Variants in ZBTB5 observed in about 807,000 individuals in gnomAD.
The protein encoded by ZBTB5 is zinc finger and BTB domain containing 5, also known as zinc finger and BTB domain-containing protein 5.
In ZBTB5, 15 loss-of-function variants were observed where a neutral mutation model predicts 37.9. The observed-to-expected ratio is 0.40, with a 90% CI of 0.26 to 0.61. ZBTB5 has a LOEUF of 0.61. Among genes scored for constraint, ZBTB5 ranks in the 20% least tolerant of loss-of-function variants. ZBTB5 has a pLI of 0.47. For synonymous variants in ZBTB5, 315 were observed against 312.4 expected (o/e 1.01, Z -0.09); for missense variants, 708 against 856.8 (o/e 0.83, Z 2.17).
At chr9:37,443,655 G>A (rs1046258703) in intron 1 of ZBTB5, among the ~76,000 whole-genome samples, 13 of 152,242 alleles carry the variant, frequency 8.5e-5, no homozygotes, top group Non-Finnish European at 1.6e-4. Context: ...ACACCAGGAT[G>A]TGGTGGCGCA....
At chr9:37,451,775 A>C (rs1472548479) in intron 1 of ZBTB5, among the ~76,000 whole-genome samples, 1 of 152,068 alleles carries the variant, frequency 6.6e-6, no homozygotes, top group Non-Finnish European at 1.5e-5. Flanking sequence ...AGGAGTGCTG[A>C]TTGGTTGGCT....
At position 37,441,235 on chromosome 9, in the gene ZBTB5, C is replaced by G. The variant is rs1373458240; in HGVS notation, c.1317G>C (p.Arg439Ser). 1 of 1,614,204 alleles carries G rather than the reference C, an allele frequency of 6.2e-7. No homozygotes were observed. The highest frequency in any genetic ancestry group is 8.5e-7 in the Non-Finnish European group (1 of 1,180,040). The stretch of plus-strand genomic sequence containing the variant: ...ACAAATAGGGGGCCTCACTCTCCAG[C>G]CTGCAGTCACTAGTGGTGTTTGGAA... ...DNIPNTTSDC[R>S]LESEAPYLLS... is the part of the protein sequence containing the mutation. The change falls in exon 2 of 2, where the codon AGG (arginine) becomes AGC (serine). Residue 439 changes from arginine (R) to serine (S), a missense_variant. By Grantham distance (110) the Arg-to-Ser change is moderately radical. Coordinates refer to ENST00000307750, the MANE Select transcript of ZBTB5 (RefSeq NM_014872.3).
chr9:37,449,010 C>G (rs1234069138), intron 1 of ZBTB5, among the ~76,000 whole-genome samples: 1 of 152,166 alleles, frequency 6.6e-6, no homozygotes, highest in African/African-American at 2.4e-5. Context: ...CGCCACTGTA[C>G]TCCAGCCTGG....
rs770303044 is a variant in ZBTB5, at chr9:37,441,927, T to C, written c.625A>G (p.Ile209Val). The part of the protein sequence containing the change: ...ERARQRLRPS[I>V]DESAISDVTP... Reference sequence around the variant, plus strand: ...ACATCTGAAATGGCAGACTCATCTATGGAGGGTCGGAGGCGCTGCCTGGCC... The same window carrying C: ...ACATCTGAAATGGCAGACTCATCTACGGAGGGTCGGAGGCGCTGCCTGGCC... Residue 209 changes from isoleucine to valine, a missense_variant, in exon 2 of 2, where the codon ATA becomes GTA. Ile to Val is a conservative substitution (Grantham distance 29). Around this residue, in one of 3 missense-constraint regions of ZBTB5, gnomAD observed 639 missense variants for 690.5 expected, o/e 0.93. Transcript: ENST00000307750. 1.9e-6 allele frequency: 3 copies of C among 1,614,138 alleles called. No individual in the cohort carries two copies. Among genetic ancestry groups the C allele is most frequent in the Admixed American group, 3.3e-5 (2 of 60,032 alleles).
At chr9:37,452,652 T>A in intron 1 of ZBTB5, among the ~76,000 whole-genome samples, 1 of 152,182 alleles carries the variant, frequency 6.6e-6, no homozygotes, top group Non-Finnish European at 1.5e-5. Context: ...AAAGGTATAA[T>A]ATGGGGCAAA....
At chr9:37,463,334 T>A (rs1341828359) in intron 1 of ZBTB5, among the ~76,000 whole-genome samples, 3 of 152,122 alleles carry the variant, frequency 2.0e-5, no homozygotes, top group African/African-American at 7.2e-5. Flanking sequence ...ACATCCATAT[T>A]TGAGAAATAT....
intron 1 of ZBTB5, among the ~76,000 whole-genome samples, chr9:37,443,788 C>G (rs954172302): frequency 6.6e-6 from 1 of 152,062 alleles, no homozygotes; most frequent in African/African-American, 2.4e-5. Context: ...AAAAATTAGC[C>G]GGGCATGCTG....
In ZBTB5 at chr9:37,440,405, C is replaced by T; in HGVS notation, c.*113G>A. The stretch of plus-strand genomic sequence containing the variant: ...AGTTCTCCGGTTATTAGTTGCTAAA[C>T]TGTTTAAGAGCCACTGGGCAGCTGG... On this transcript the variant is annotated 3_prime_UTR_variant, in exon 2 of 2. Coordinates refer to ENST00000307750, the MANE Select transcript of ZBTB5 (RefSeq NM_014872.3). 1 of 809,076 alleles carries T rather than the reference C, an allele frequency of 1.2e-6. No individual in the cohort carries two copies. Among genetic ancestry groups the T allele is most frequent in the Non-Finnish European group, 1.9e-6 (1 of 520,302 alleles). 50.1% of individuals were successfully genotyped at this position (809,076 alleles called of 1,614,324 possible).
chr9:37,442,015 C>G lies in ZBTB5; in HGVS notation c.537G>C (p.Leu179=). The change falls in exon 2 of 2, where the codon CTG becomes CTC. Residue 179 remains leucine (L), a synonymous_variant. Coordinates refer to ENST00000307750, the MANE Select transcript of ZBTB5 (RefSeq NM_014872.3). ...TCATGGGGAAGGGCGTGCGCTGATC[C>G]AGGTTACTGCGCATGGAAGAGCTCA... ...APMSSSMRSN[L]DQRTPFPMRR... is the part of the protein sequence containing the mutation. 6.2e-7 allele frequency: 1 copy of G among 1,613,884 alleles called. No homozygotes were observed.
At chr9:37,447,897 T>G (rs1192407973) in intron 1 of ZBTB5, among the ~76,000 whole-genome samples, 1 of 152,072 alleles carries the variant, frequency 6.6e-6, no homozygotes, top group Non-Finnish European at 1.5e-5. Flanking sequence ...GGCTCATATC[T>G]GTAATTCCCA....
At chr9:37,448,192 T>G (rs1385052805) in intron 1 of ZBTB5, among the ~76,000 whole-genome samples, 4 of 151,270 alleles carry the variant, frequency 2.6e-5, no homozygotes, top group African/African-American at 7.3e-5. Flanking sequence ...AGCCTAGAGA[T>G]CCTCAGCTCT....
intron 1 of ZBTB5, among the ~76,000 whole-genome samples, chr9:37,452,829 C>T (rs1824126613): frequency 6.6e-6 from 1 of 152,178 alleles, no homozygotes; most frequent in East Asian, 1.9e-4. Flanking sequence ...ACTTCTGGTT[C>T]TCTGGGCCCA....
intron 1 of ZBTB5, 54 bp from the exon 2 acceptor site, chr9:37,442,609 GA>G: frequency 7.2e-7 from 1 of 1,397,226 alleles, no homozygotes; most frequent in Non-Finnish European, 9.7e-7. Context: ...TTCAAAGTCA[GA>G]ACACAAAGGG....
intron 1 of ZBTB5, among the ~76,000 whole-genome samples, chr9:37,443,283 A>C (rs1051116370): frequency 6.6e-6 from 1 of 151,590 alleles, no homozygotes; most frequent in Non-Finnish European, 1.5e-5. Context: ...AGCTGAGATC[A>C]CACCACTGCA....
intron 1 of ZBTB5, among the ~76,000 whole-genome samples, chr9:37,443,152 C>T (rs933011488): frequency 4.0e-5 from 6 of 151,894 alleles, no homozygotes; most frequent in Admixed American, 2.6e-4. Context: ...GAGTTCAAGA[C>T]GAGCCTGACC....
chr9:37,452,675 G>A (rs2118949245), intron 1 of ZBTB5, among the ~76,000 whole-genome samples: 1 of 152,340 alleles, frequency 6.6e-6, no homozygotes, highest in East Asian at 1.9e-4. Flanking sequence ...CCCAGCCTTA[G>A]TGTGTTCTAG....
At chr9:37,447,753 T>A (rs1413687620) in intron 1 of ZBTB5, among the ~76,000 whole-genome samples, 1 of 152,006 alleles carries the variant, frequency 6.6e-6, no homozygotes, top group Non-Finnish European at 1.5e-5. Context: ...AAATAAATAG[T>A]ATTTCAACTA....
At chr9:37,464,605 A>G (rs1824354631) in intron 1 of ZBTB5, among the ~76,000 whole-genome samples, 2 of 152,198 alleles carry the variant, frequency 1.3e-5, no homozygotes, top group South Asian at 4.1e-4. Flanking sequence ...TCCAAACAGG[A>G]GAAGATGGGA....
chr9:37,440,974 C>G lies in ZBTB5; in HGVS notation c.1578G>C (p.Arg526Ser). The G allele has an allele frequency of 6.2e-7, 1 of 1,614,190 alleles. No homozygotes were observed. The highest frequency in any genetic ancestry group is 8.5e-7 in the Non-Finnish European group (1 of 1,180,036). The part of the protein sequence containing the change: ...SFSRVMIGSP[R>S]GGASNFPYYR... ...AGTAAGGAAAGTTACTGGCTCCTCC[C>G]CTTGGGGAACCTATCATTACCCTGG... The change falls in exon 2 of 2, where the codon AGG becomes AGC. Residue 526 changes from arginine to serine, a missense_variant. Arg to Ser is a moderately radical substitution (Grantham distance 110, BLOSUM62 -1). This residue lies in a region of ZBTB5 where 639 missense variants were observed against 690.5 expected (regional missense o/e 0.93). Coordinates refer to ENST00000307750, the MANE Select transcript of ZBTB5 (RefSeq NM_014872.3).
Sources: allele counts gnomAD v4.1 joint callset (sites outside exome capture counted in the v4.1 genomes callset), GRCh38; gene constraint gnomAD v4.1.1; regional missense constraint gnomAD v4.1.1; transcripts MANE v1.5; gene names NCBI Gene and HGNC (gene_info 2026-07-23, HGNC 2026-07-21).